STK32B: variants seen among roughly 807,000 people sequenced by gnomAD.
STK32B encodes the protein serine/threonine kinase 32B, also known as serine/threonine-protein kinase 32B.
In STK32B, 43 loss-of-function variants were observed where a neutral mutation model predicts 52.6. The ratio of observed to expected loss-of-function variants is 0.82; its 90% CI spans 0.64 to 1.05. The LOEUF (loss-of-function observed/expected upper bound fraction) is 1.05. Among genes scored for constraint, STK32B ranks in the 50% least tolerant of loss-of-function variants. The pLI, the probability that STK32B is intolerant of heterozygous loss-of-function variation, is 0.00. For missense variants in STK32B, 621 were observed against 534.6 expected (o/e 1.16, Z -1.59); for synonymous variants, 238 against 204.3 (o/e 1.17, Z -1.41).
At chr4:5,446,626 A>G (rs757781822) in intron 6 of STK32B, 47 bp from the exon 7 acceptor site, 11 of 1,552,036 alleles carry the variant, frequency 7.1e-6, no homozygotes, top group South Asian at 6.7e-5. Flanking sequence ...GGTGGTGGCC[A>G]TAAACTGGGA....
At chr4:5,487,646 C>T (rs140987197) in intron 11 of STK32B, among the ~76,000 whole-genome samples, 167 of 152,232 alleles carry the variant, frequency 1.1e-3, no homozygotes, top group African/African-American at 3.5e-3. Flanking sequence ...CTAGGGTTAT[C>T]GTCAAAATAG....
In STK32B at chr4:5,067,852, A is replaced by G. The variant is rs375205886; in HGVS notation, c.52+15937A>G. ...CGAAGGGGAAGCACGCACATCTTAC[A>G]TGGCTGGAGCAGGAGGATAAGAGAG... On this transcript the variant is annotated intron_variant, in intron 1 of 11. Coordinates refer to ENST00000282908, the MANE Select transcript of STK32B (RefSeq NM_018401.3). 4.6e-5 allele frequency among the ~76,000 whole-genome samples: 7 copies of G among 152,210 alleles called. No homozygotes were observed. The East Asian group carries it at 7.7e-4, about 17-fold the overall frequency.
intron 2 of STK32B, among the ~76,000 whole-genome samples, chr4:5,143,909 C>G (rs767999658): frequency 3.9e-5 from 6 of 152,204 alleles, no homozygotes; most frequent in Admixed American, 1.3e-4. Context: ...CAGCCTCCAC[C>G]AGCCAGGATG....
intron 1 of STK32B, among the ~76,000 whole-genome samples, chr4:5,133,984 G>A (rs562166790): frequency 6.6e-6 from 1 of 152,290 alleles, no homozygotes; most frequent in Admixed American, 6.5e-5. Flanking sequence ...CCTTTGTCCA[G>A]GGAACACCAA....
Position 5,453,332 on chromosome 4 carries a change from TAAG to T in STK32B, c.667-3472_667-3470del, listed in dbSNP as rs1197584565. Reference sequence around the variant, plus strand: ...GAAACAGGGAATGAAATGTAAATGATAAGAAAACATTTACATTTGTTTCTGGCT... The same window carrying T: ...GAAACAGGGAATGAAATGTAAATGATAAAACATTTACATTTGTTTCTGGCT... On this transcript the variant is annotated intron_variant, in intron 7 of 11. Coordinates refer to ENST00000282908, the MANE Select transcript of STK32B (RefSeq NM_018401.3). This position sits in a 1 kb window ranked among gnomAD's most constrained non-coding sequence, Gnocchi z 4.0. Among the ~76,000 whole-genome samples the T allele has an allele frequency of 6.6e-6, 1 of 152,040 alleles. No individual in the cohort carries two copies.
intron 1 of STK32B, among the ~76,000 whole-genome samples, chr4:5,074,697 A>G (rs916710899): frequency 2.0e-5 from 3 of 152,124 alleles, no homozygotes; most frequent in Admixed American, 6.6e-5. Flanking sequence ...ACGCTATTTT[A>G]TTCAATGAAC....
At chr4:5,210,876 G>T (rs1722864560) in intron 3 of STK32B, among the ~76,000 whole-genome samples, 1 of 151,098 alleles carries the variant, frequency 6.6e-6, no homozygotes. Context: ...ACTCACTGCA[G>T]CCTTGACCTC....
intron 4 of STK32B, among the ~76,000 whole-genome samples, chr4:5,393,187 T>G (rs6840421): frequency 0.17 from 26,499 of 152,100 alleles, 3,313 homozygotes; most frequent in African/African-American, 0.33. Context: ...GTAAATGCCT[T>G]TGGTCATCCT....
At chr4:5,464,221 C>A (rs1213329224) in intron 9 of STK32B, among the ~76,000 whole-genome samples, 1 of 152,210 alleles carries the variant, frequency 6.6e-6, no homozygotes, top group Non-Finnish European at 1.5e-5. Flanking sequence ...CCAAACACCT[C>A]CCACCAGGCC....
At chr4:5,424,469 C>T (rs552239292) in intron 6 of STK32B, among the ~76,000 whole-genome samples, 23 of 152,310 alleles carry the variant, frequency 1.5e-4, no homozygotes, top group African/African-American at 4.8e-4. Flanking sequence ...GCACATACTT[C>T]CTCCCCTCTG....
intron 3 of STK32B, among the ~76,000 whole-genome samples, chr4:5,283,657 C>A (rs192685112): frequency 6.6e-6 from 1 of 152,150 alleles, no homozygotes; most frequent in Non-Finnish European, 1.5e-5. Flanking sequence ...TCAGCAGAAA[C>A]CCTGCAGGCC....
chr4:5,122,022 A>C (rs1279543166), intron 1 of STK32B, among the ~76,000 whole-genome samples: 1 of 152,212 alleles, frequency 6.6e-6, no homozygotes, highest in African/African-American at 2.4e-5. Flanking sequence ...CACAGTGTCC[A>C]CCCATTCACT....
Position 5,468,790 on chromosome 4 carries a change from C to T in STK32B, c.1106+720C>T, listed in dbSNP as rs1263432497. 6.6e-5 allele frequency among the ~76,000 whole-genome samples: 10 copies of T among 152,168 alleles called. 2 individuals carry two copies. The Middle Eastern group carries it at 0.024, about 362-fold the overall frequency. On this transcript the variant is annotated intron_variant, in intron 11 of 11. Transcript: ENST00000282908. The stretch of plus-strand genomic sequence containing the variant: ...GATAATATCTAGAGGAGGCCGGGCG[C>T]GGTGGCTCACACCTGTAATTCTAGC...
intron 3 of STK32B, among the ~76,000 whole-genome samples, chr4:5,230,557 G>A (rs991099879): frequency 5.9e-5 from 9 of 152,074 alleles, no homozygotes; most frequent in African/African-American, 9.7e-5. Flanking sequence ...CTATACTCAC[G>A]AGAGTATGAA....
At chr4:5,425,540 CA>C (rs2109083519) in intron 6 of STK32B, among the ~76,000 whole-genome samples, 1 of 152,298 alleles carries the variant, frequency 6.6e-6, no homozygotes, top group South Asian at 2.1e-4. Context: ...ACTGAAAACA[CA>C]TGTGTGAATA....
At chr4:5,489,935 A>C (rs1480657043) in intron 11 of STK32B, among the ~76,000 whole-genome samples, 1 of 152,204 alleles carries the variant, frequency 6.6e-6, no homozygotes, top group Non-Finnish European at 1.5e-5. Flanking sequence ...ACATAAATAC[A>C]TCTAGACAGA....
the STK32B span, among the ~76,000 whole-genome samples, chr4:5,042,489 CAT>C: frequency 6.6e-6 from 1 of 152,228 alleles, no homozygotes; most frequent in African/African-American, 2.4e-5. Flanking sequence ...TGACACTTAA[CAT>C]AGTGTAGGAA....
At chr4:5,486,824 T>C (rs565760538) in intron 11 of STK32B, among the ~76,000 whole-genome samples, 1 of 152,226 alleles carries the variant, frequency 6.6e-6, no homozygotes, top group East Asian at 1.9e-4. Context: ...TCTTTAAGTA[T>C]GTCCAAAGAA....
intron 3 of STK32B, among the ~76,000 whole-genome samples, chr4:5,173,724 CTA>C (rs1471212927): frequency 1.3e-5 from 2 of 152,128 alleles, no homozygotes; most frequent in Non-Finnish European, 2.9e-5. Flanking sequence ...TTACTTCCAA[CTA>C]TGTGGTCAAT....
Sources: allele counts gnomAD v4.1 joint callset (sites outside exome capture counted in the v4.1 genomes callset), GRCh38; gene constraint gnomAD v4.1.1; non-coding constraint Gnocchi (gnomAD v3.1); transcripts MANE v1.5; gene names NCBI Gene and HGNC (gene_info 2026-07-23, HGNC 2026-07-21).